Variants in FSIP1 observed in about 807,000 individuals in gnomAD.
The protein encoded by FSIP1 is fibrous sheath-interacting protein 1.
In FSIP1, 65 loss-of-function variants were observed where a neutral mutation model predicts 60.9. That is an observed-to-expected ratio of 1.07 (90% CI 0.87 to 1.31). The LOEUF is 1.31. Ranked by LOEUF, FSIP1 falls within the 40% of genes most tolerant of loss-of-function variation. The pLI, the probability that FSIP1 is intolerant of heterozygous loss-of-function variation, is 0.00. For synonymous variants in FSIP1, 209 were observed against 221.2 expected, an observed-to-expected ratio of 0.94 and a Z score of 0.49; for missense variants, 675 against 665.5, an observed-to-expected ratio of 1.01 and a Z score of -0.16.
intron 5 of FSIP1, among the ~76,000 whole-genome samples, chr15:39,744,011 A>T (rs1455590072): frequency 1.3e-5 from 2 of 152,262 alleles, no homozygotes; most frequent in Non-Finnish European, 2.9e-5. Context: ...TTAGAGGGAC[A>T]ATTGGCAAAA....
At chr15:39,715,087 T>C (rs1262626237) in intron 9 of FSIP1, among the ~76,000 whole-genome samples, 2 of 151,852 alleles carry the variant, frequency 1.3e-5, no homozygotes, top group Admixed American at 6.6e-5. Context: ...GTCTTGATGC[T>C]ACCAGTCACC....
intron 10 of FSIP1, among the ~76,000 whole-genome samples, chr15:39,659,747 C>A (rs1387778499): frequency 6.7e-6 from 1 of 150,340 alleles, no homozygotes; most frequent in African/African-American, 2.4e-5. Context: ...AAAATAATTA[C>A]AGGAATAAAT....
chr15:39,748,427 TG>T (rs1897065287), intron 5 of FSIP1, among the ~76,000 whole-genome samples: 2 of 152,122 alleles, frequency 1.3e-5, no homozygotes, highest in African/African-American at 4.8e-5. Flanking sequence ...GAATTTTCCC[TG>T]GGGGTATTAA....
intron 10 of FSIP1, among the ~76,000 whole-genome samples, chr15:39,674,024 G>C (rs1299255797): frequency 6.6e-6 from 1 of 151,472 alleles, no homozygotes; most frequent in African/African-American, 2.4e-5. Context: ...TAAGTATAGA[G>C]AAGGGAACAT....
intron 2 of FSIP1, among the ~76,000 whole-genome samples, chr15:39,775,960 T>C (rs1461571775): frequency 6.6e-6 from 1 of 151,886 alleles, no homozygotes; most frequent in Non-Finnish European, 1.5e-5. Flanking sequence ...TTTAAAATAC[T>C]GAATCTTTTT....
chr15:39,621,670 TG>T (rs1294613708), intron 10 of FSIP1, among the ~76,000 whole-genome samples: 3 of 152,238 alleles, frequency 2.0e-5, no homozygotes, highest in Admixed American at 1.3e-4. Context: ...GGTAGAGTTA[TG>T]AAAACAAAAT....
At chr15:39,714,972 C>CATAA (rs1895680609) in intron 9 of FSIP1, among the ~76,000 whole-genome samples, 1 of 89,574 alleles carries the variant, frequency 1.1e-5, no homozygotes, top group Non-Finnish European at 2.0e-5. Flanking sequence ...GACTCTGTCT[C>CATAA]AAAAAAAAAA....
At chr15:39,769,108 T>C (rs960979522) in intron 3 of FSIP1, among the ~76,000 whole-genome samples, 2 of 151,734 alleles carry the variant, frequency 1.3e-5, no homozygotes, top group Non-Finnish European at 2.9e-5. Context: ...TGAAACCCCG[T>C]CTCTACTAAA....
At chr15:39,762,977 T>G (rs1595397174) in intron 5 of FSIP1, among the ~76,000 whole-genome samples, 1 of 152,206 alleles carries the variant, frequency 6.6e-6, no homozygotes, top group African/African-American at 2.4e-5. Flanking sequence ...ATATATAATT[T>G]GATCATATTT....
At chr15:39,627,731 T>C (rs1044240432) in intron 10 of FSIP1, among the ~76,000 whole-genome samples, 14 of 152,186 alleles carry the variant, frequency 9.2e-5, no homozygotes, top group African/African-American at 2.4e-5. Context: ...TAGCAAGCAG[T>C]AGTCAGGTCA....
At position 39,673,604 on chromosome 15, in the gene FSIP1, T is replaced by C. The variant is rs558458057; in HGVS notation, c.1188+39840A>G. ...GCACTGGGATTACGAAGATGAGCCA[T>C]TGAGCCTGGCTCGTAACACATACAT... On this transcript the variant is annotated intron_variant, in intron 10 of 11. Transcript: ENST00000350221. Among the ~76,000 whole-genome samples, 4 of 152,320 alleles carry C rather than the reference T, an allele frequency of 2.6e-5. No homozygotes were observed. In the East Asian group the frequency reaches 7.7e-4, roughly 29 times the overall value.
chr15:39,654,941 A>G (rs1893014644), intron 10 of FSIP1, among the ~76,000 whole-genome samples: 1 of 152,256 alleles, frequency 6.6e-6, no homozygotes, highest in Non-Finnish European at 1.5e-5. Context: ...CTGGAAAAAG[A>G]CACACCAGCT....
intron 10 of FSIP1, among the ~76,000 whole-genome samples, chr15:39,658,864 T>A (rs930321949): frequency 3.3e-5 from 5 of 152,236 alleles, no homozygotes; most frequent in Admixed American, 1.3e-4. Context: ...TATACCAATG[T>A]TCATAGCAGC....
intron 10 of FSIP1, among the ~76,000 whole-genome samples, chr15:39,634,803 C>T (rs1039841564): frequency 6.6e-6 from 1 of 152,196 alleles, no homozygotes; most frequent in East Asian, 1.9e-4. Context: ...TCCACTAGTA[C>T]ATGTGCATCT....
chr15:39,661,697 C>T lies in FSIP1; in HGVS notation c.1189-43452G>A, dbSNP rs181221131. 2.5e-3 allele frequency among the ~76,000 whole-genome samples: 380 copies of T among 152,196 alleles called. 1 individual carries two copies. Among genetic ancestry groups the T allele is most frequent in the Non-Finnish European group, 3.7e-3 (252 of 67,988 alleles). On this transcript the variant is annotated intron_variant, in intron 10 of 11. Coordinates refer to ENST00000350221, the MANE Select transcript of FSIP1 (RefSeq NM_152597.5). ...TTGCAGAACTAATTAACTTTATTAC[C>T]TTATTCTTTCCCTCAAGTCATACAC... is the stretch of plus-strand genomic sequence containing the variant.
chr15:39,616,232 TTTCAGTGTTTTA>T (rs1891225578), intron 11 of FSIP1, among the ~76,000 whole-genome samples: 1 of 152,250 alleles, frequency 6.6e-6, no homozygotes, highest in Non-Finnish European at 1.5e-5. Flanking sequence ...TGAACCATAT[TTTCAGTGTTTTA>T]TTCTAAAACT....
At chr15:39,621,859 C>A (rs569868445) in intron 10 of FSIP1, among the ~76,000 whole-genome samples, 2 of 152,200 alleles carry the variant, frequency 1.3e-5, no homozygotes, top group African/African-American at 4.8e-5. Context: ...AACTTCAACA[C>A]GACCCATCTT....
rs774636650 is a variant in FSIP1 at position 39,713,489 on chromosome 15, C to A, written c.1143G>T (p.Arg381=). 8.7e-6 allele frequency: 14 copies of A among 1,608,284 alleles called. No homozygotes were observed. In the Admixed American group the frequency reaches 2.2e-4, roughly 25 times the overall value. Residue 381 remains arginine (R), a synonymous_variant, in exon 10 of 12, where the codon CGG becomes CGT. Coordinates refer to ENST00000350221, the MANE Select transcript of FSIP1 (RefSeq NM_152597.5). ...NTKEQRDLHN[R]LREIDEKLKM... Reference sequence around the variant, plus strand: ...TCAGCTTTTCATCAATCTCTCTCAGCCGATTATGCAGATCGCGTTGCTCTT... The same window carrying A: ...TCAGCTTTTCATCAATCTCTCTCAGACGATTATGCAGATCGCGTTGCTCTT...
chr15:39,778,190 G>A (rs1160778343), intron 1 of FSIP1, among the ~76,000 whole-genome samples: 1 of 152,142 alleles, frequency 6.6e-6, no homozygotes, highest in African/African-American at 2.4e-5. Flanking sequence ...AAAAGCATAA[G>A]TCACCAAAAG....
Sources: allele counts gnomAD v4.1 joint callset (sites outside exome capture counted in the v4.1 genomes callset), GRCh38; gene constraint gnomAD v4.1.1; transcripts MANE v1.5; gene names NCBI Gene and HGNC (gene_info 2026-07-23, HGNC 2026-07-21).